PEAK1: variants seen among roughly 807,000 people sequenced by gnomAD.
The protein encoded by PEAK1 is inactive tyrosine-protein kinase PEAK1.
Under a neutral mutation model 124.7 loss-of-function variants are expected in PEAK1, and 54 were observed. The ratio of observed to expected loss-of-function variants is 0.43; its 90% confidence interval spans 0.35 to 0.54. PEAK1 has a LOEUF of 0.54. Ranked by LOEUF, PEAK1 falls within the 20% of genes least tolerant of loss-of-function variation. The probability of loss-of-function intolerance (pLI) is 0.01; values close to 1 mark genes in which losing one functional copy is unlikely to be tolerated. For synonymous variants in PEAK1, 719 were observed against 760.0 expected (o/e 0.95, Z 0.89); for missense variants, 2,046 against 2,134.5 (o/e 0.96, Z 0.82).
chr15:77,226,585 A>G (rs886449144), intron 6 of PEAK1, among the ~76,000 whole-genome samples: 2 of 152,086 alleles, frequency 1.3e-5, no homozygotes, highest in Non-Finnish European at 2.9e-5. Flanking sequence ...GAATAGTCCA[A>G]ATAAAAACTT....
In PEAK1 at chr15:77,281,980, C is replaced by A. The variant is rs191892463; in HGVS notation, c.-275+1903G>T. On this transcript the variant is annotated intron_variant, in intron 5 of 9. Coordinates refer to ENST00000682557, the MANE Select transcript of PEAK1 (RefSeq NM_001385026.1). Reference sequence around the variant, plus strand: ...TACAGCATGAAGAAATAAAACGAAGCCCTGAGCTATATCTAATCATTTAAT... The same window carrying A: ...TACAGCATGAAGAAATAAAACGAAGACCTGAGCTATATCTAATCATTTAAT... 1.2e-4 allele frequency among the ~76,000 whole-genome samples: 19 copies of A among 152,214 alleles called. No individual in the cohort carries two copies. The East Asian group carries it at 3.7e-3, about 29-fold the overall frequency.
intron 1 of PEAK1, among the ~76,000 whole-genome samples, chr15:77,412,210 T>C (rs994299173): frequency 2.0e-5 from 3 of 152,224 alleles, no homozygotes; most frequent in Non-Finnish European, 4.4e-5. Flanking sequence ...GGTGATCTAA[T>C]CTATACTGAC....
At chr15:77,187,748 G>C (rs1424261692) in intron 6 of PEAK1, among the ~76,000 whole-genome samples, 1 of 152,190 alleles carries the variant, frequency 6.6e-6, no homozygotes, top group Non-Finnish European at 1.5e-5. Flanking sequence ...CCTCACTGCT[G>C]TACGTGGGCT....
At chr15:77,193,503 A>G (rs2057947665) in intron 6 of PEAK1, among the ~76,000 whole-genome samples, 1 of 152,174 alleles carries the variant, frequency 6.6e-6, no homozygotes, top group Non-Finnish European at 1.5e-5. Flanking sequence ...ATACGTGTCC[A>G]CCGCTCTTTT....
chr15:77,133,713 T>C lies in PEAK1; in HGVS notation c.3369A>G (p.Pro1123=). The part of the protein sequence containing the change: ...SRAAMIPPKQ[P]RQPKGAVDDA... The stretch of plus-strand genomic sequence containing the variant: ...CGTCCACAGCTCCCTTGGGCTGTCG[T>C]GGCTGCTTGGGAGGTATCATGGCTG... The change falls in exon 9 of 10, where the codon CCA becomes CCG. Residue 1123 remains proline, a synonymous_variant. Transcript: ENST00000682557. The surrounding 1 kb of genome is among the most constrained non-coding windows in gnomAD (Gnocchi z 4.2). 2 of 1,612,580 alleles carry C rather than the reference T, an allele frequency of 1.2e-6. No individual in the cohort carries two copies. Among genetic ancestry groups the C allele is most frequent in the Non-Finnish European group, 1.7e-6 (2 of 1,179,308 alleles).
Position 77,250,254 on chromosome 15 carries a change from TATA to T in PEAK1, c.-115+2110_-115+2112del, listed in dbSNP as rs768001333. Among the ~76,000 whole-genome samples the T allele has an allele frequency of 5.0e-4, 60 of 118,932 alleles. 1 individual carries two copies. Among genetic ancestry groups the T allele is most frequent in the South Asian group, 9.9e-4 (4 of 4,048 alleles). 78.0% of individuals were successfully genotyped at this position (118,932 alleles called of 152,430 possible). On this transcript the variant is annotated intron_variant, in intron 6 of 9. Transcript: ENST00000682557. ...ATATGTATATGTATATATATATATA[TATA>T]TTTTTTTTTGACAGAGTTTCACTCC...
At chr15:77,386,811 T>C (rs2069986431) in intron 1 of PEAK1, among the ~76,000 whole-genome samples, 2 of 152,214 alleles carry the variant, frequency 1.3e-5, no homozygotes, top group African/African-American at 4.8e-5. Context: ...TCTAGATTCC[T>C]ACTGAACTGC....
chr15:77,377,788 T>C (rs777812549), intron 1 of PEAK1, among the ~76,000 whole-genome samples: 2 of 152,176 alleles, frequency 1.3e-5, no homozygotes, highest in Non-Finnish European at 1.5e-5. Flanking sequence ...TATACTCTTA[T>C]GTGGTCCTCG....
At chr15:77,245,589 C>A (rs575741579) in intron 6 of PEAK1, among the ~76,000 whole-genome samples, 1 of 152,070 alleles carries the variant, frequency 6.6e-6, no homozygotes, top group South Asian at 2.1e-4. Context: ...GTCCCAGCTA[C>A]TTGGGAGGCT....
chr15:77,248,366 T>G (rs901903569), intron 6 of PEAK1, among the ~76,000 whole-genome samples: 1 of 152,188 alleles, frequency 6.6e-6, no homozygotes, highest in South Asian at 2.1e-4. Context: ...CAAACAGATT[T>G]GTAAGGTTTA....
At chr15:77,294,016 T>C (rs927418256) in intron 2 of PEAK1, among the ~76,000 whole-genome samples, 2 of 152,202 alleles carry the variant, frequency 1.3e-5, no homozygotes, top group Non-Finnish European at 2.9e-5. Context: ...ATATAAGCAT[T>C]ACCTCTGCAT....
At chr15:77,184,268 G>A (rs564232574) in intron 6 of PEAK1, among the ~76,000 whole-genome samples, 1 of 151,996 alleles carries the variant, frequency 6.6e-6, no homozygotes, top group Non-Finnish European at 1.5e-5. Flanking sequence ...ACTACAATGT[G>A]CTACCACTAC....
chr15:77,316,054 T>A (rs555810087), intron 2 of PEAK1, among the ~76,000 whole-genome samples: 1 of 152,276 alleles, frequency 6.6e-6, no homozygotes, highest in East Asian at 1.9e-4. Flanking sequence ...GAAACTCTTG[T>A]ACCATCTTCT....
chr15:77,170,227 G>A (rs1417353198), intron 7 of PEAK1, among the ~76,000 whole-genome samples: 1 of 151,808 alleles, frequency 6.6e-6, no homozygotes, highest in Non-Finnish European at 1.5e-5. Context: ...GGTAAACGGT[G>A]GTTTACTATA....
At chr15:77,182,145 T>A (rs1386746902) in intron 6 of PEAK1, 105 bp from the exon 7 acceptor site, 10 of 1,087,816 alleles carry the variant, frequency 9.2e-6, no homozygotes, top group Non-Finnish European at 1.1e-5. Context: ...AACTTTTCCT[T>A]AAATTAAAAG....
intron 6 of PEAK1, among the ~76,000 whole-genome samples, chr15:77,229,896 C>T (rs963726521): frequency 2.0e-5 from 3 of 152,148 alleles, no homozygotes; most frequent in African/African-American, 7.2e-5. Flanking sequence ...ATCCGCCGGC[C>T]TTGGCCTCCC....
intron 6 of PEAK1, among the ~76,000 whole-genome samples, chr15:77,227,202 T>C (rs2059716733): frequency 1.3e-5 from 2 of 152,228 alleles, no homozygotes; most frequent in African/African-American, 2.4e-5. Flanking sequence ...CAATCTAGAA[T>C]AAGTTTATCA....
At chr15:77,417,060 A>G (rs556847804) in intron 1 of PEAK1, among the ~76,000 whole-genome samples, 74 of 152,072 alleles carry the variant, frequency 4.9e-4, no homozygotes, top group Non-Finnish European at 7.6e-4. Context: ...AGATTAGCTC[A>G]GGTAACACTC....
intron 8 of PEAK1, among the ~76,000 whole-genome samples, chr15:77,144,415 G>T (rs1292738662): frequency 6.6e-6 from 1 of 152,162 alleles, no homozygotes; most frequent in Non-Finnish European, 1.5e-5. Flanking sequence ...TTCTTCCTCT[G>T]TGTTCTCTTA....
Sources: gnomAD v4.1 joint callset for allele counts (sites outside exome capture counted in the v4.1 genomes callset) on GRCh38, gnomAD v4.1.1 for gene constraint, Gnocchi (gnomAD v3.1) non-coding constraint, MANE v1.5 for transcripts, NCBI Gene and HGNC (gene_info 2026-07-23, HGNC 2026-07-21) for gene names.